Variants in SMARCA2 observed in about 807,000 individuals in gnomAD.
SMARCA2 encodes the protein SWI/SNF-related matrix-associated actin-dependent regulator of chromatin subfamily A member 2.
A neutral mutation model predicts 199.8 loss-of-function variants in SMARCA2; 61 were observed. The ratio of observed to expected loss-of-function variants is 0.31; its 90% CI spans 0.25 to 0.38. The LOEUF (loss-of-function observed/expected upper bound fraction) is 0.38. Among genes scored for constraint, SMARCA2 ranks in the 10% least tolerant of loss-of-function variants. The pLI is 1.00. For missense variants in SMARCA2, 1,344 were observed against 2,012.2 expected (o/e 0.67, Z 6.35); for synonymous variants, 935 against 732.0 (o/e 1.28, Z -4.48).
chr9:2,154,113 A>G (rs1365455497), intron 27 of SMARCA2, among the ~76,000 whole-genome samples: 4 of 152,236 alleles, frequency 2.6e-5, no homozygotes, highest in African/African-American at 7.2e-5. Context: ...AAGATGCTAT[A>G]TCTCTCTGTG....
intron 22 of SMARCA2, among the ~76,000 whole-genome samples, chr9:2,103,162 C>G (rs1368735526): frequency 1.3e-5 from 2 of 152,090 alleles, no homozygotes; most frequent in African/African-American, 4.8e-5. Flanking sequence ...ACACTCTAAA[C>G]CAGTGGTTGG....
At chr9:2,171,302 C>T (rs1478421589) in intron 29 of SMARCA2, among the ~76,000 whole-genome samples, 1 of 151,986 alleles carries the variant, frequency 6.6e-6, no homozygotes, top group Non-Finnish European at 1.5e-5. Flanking sequence ...TTCAGCTGAC[C>T]CAATAACATC....
chr9:2,097,613 C>G, intron 21 of SMARCA2, 142 bp downstream of exon 21: 1 of 565,856 alleles, frequency 1.8e-6, no homozygotes, highest in Non-Finnish European at 3.1e-6. Flanking sequence ...GATCTGATAG[C>G]TCGACAAGCA....
intron 27 of SMARCA2, among the ~76,000 whole-genome samples, chr9:2,132,359 G>A (rs1276010763): frequency 6.6e-6 from 1 of 152,184 alleles, no homozygotes; most frequent in Non-Finnish European, 1.5e-5. Context: ...ACAGGGGCTT[G>A]AATCACTCAG....
Position 2,033,091 on chromosome 9 carries a change from C to A in SMARCA2, c.355+10C>A, listed in dbSNP as rs376665212. 2 of 1,613,080 alleles carry A rather than the reference C, an allele frequency of 1.2e-6. No homozygotes were observed. The highest frequency in any genetic ancestry group is 4.5e-5 in the East Asian group (2 of 44,864). On this transcript the variant is annotated intron_variant, in intron 3 of 33. Transcript: ENST00000349721. ...GATCAACACAGCCAAGGTTTGTGTC[C>A]GCTGCACACCTGATACTGGTTCCCC...
At chr9:2,182,718 C>G (rs1827138305) in intron 31 of SMARCA2, among the ~76,000 whole-genome samples, 1 of 151,916 alleles carries the variant, frequency 6.6e-6, no homozygotes, top group Non-Finnish European at 1.5e-5. Flanking sequence ...TGGTCTTGAA[C>G]TCCTGACCTC....
intron 2 of SMARCA2, chr9:2,032,454 T>C (rs749492345): frequency 6.5e-6 from 1 of 154,248 alleles, no homozygotes; most frequent in Non-Finnish European, 1.4e-5. Context: ...CACGGCTCTG[T>C]CCTGTCTGTT....
intron 29 of SMARCA2, among the ~76,000 whole-genome samples, chr9:2,176,542 A>G: frequency 6.6e-6 from 1 of 151,852 alleles, no homozygotes; most frequent in Non-Finnish European, 1.5e-5. Context: ...CTTTATGACT[A>G]TTAGGGTGAT....
At chr9:2,185,617 A>C (rs1034660632) in intron 31 of SMARCA2, among the ~76,000 whole-genome samples, 2 of 152,214 alleles carry the variant, frequency 1.3e-5, no homozygotes, top group African/African-American at 2.4e-5. Context: ...GCACCTACCC[A>C]GGGCCATGCT....
rs1822646127 is a variant in SMARCA2 at position 2,104,010 on chromosome 9, C to T, written c.3133C>T (p.Leu1045=). The change falls in exon 23 of 34, where the codon CTG becomes TTG. Residue 1045 remains leucine (L), a synonymous_variant. Transcript: ENST00000349721. The surrounding 1 kb of genome is among the most constrained non-coding windows in gnomAD (Gnocchi z 4.0). ...GCATTTTTTTGGGTTCAGGGCTGAA[C>T]TGTATCGGGCCTCAGGGAAGTTTGA... The part of the protein sequence containing the change: ...YSNGVINGAE[L]YRASGKFELL... 1 of 1,613,878 alleles carries T rather than the reference C, an allele frequency of 6.2e-7. No homozygotes were observed. Among genetic ancestry groups the T allele is most frequent in the East Asian group, 2.2e-5 (1 of 44,866 alleles).
At chr9:2,038,247 C>G (rs1586633611) in intron 3 of SMARCA2, among the ~76,000 whole-genome samples, 3 of 152,224 alleles carry the variant, frequency 2.0e-5, no homozygotes, top group Admixed American at 2.0e-4. Context: ...AACTGGTTTA[C>G]TCTCTGAGCC....
chr9:2,076,102 C>T (rs1821313109), intron 12 of SMARCA2, 127 bp from the exon 13 acceptor site: 1 of 632,240 alleles, frequency 1.6e-6, no homozygotes. Context: ...TTTACTTCCT[C>T]CCTGAATTTT....
chr9:2,146,750 C>T (rs1285406788), intron 27 of SMARCA2, among the ~76,000 whole-genome samples: 1 of 152,122 alleles, frequency 6.6e-6, no homozygotes, highest in Non-Finnish European at 1.5e-5. Flanking sequence ...CCTTTTTAGA[C>T]CACATAGGGT....
intron 28 of SMARCA2, among the ~76,000 whole-genome samples, chr9:2,166,612 A>C (rs750157108): frequency 3.3e-5 from 5 of 152,190 alleles, no homozygotes; most frequent in Non-Finnish European, 7.3e-5. Context: ...TTATCTATGC[A>C]AAAATTATGT....
chr9:2,140,734 G>C (rs567989846), intron 27 of SMARCA2, among the ~76,000 whole-genome samples: 102 of 152,268 alleles, frequency 6.7e-4, no homozygotes, highest in African/African-American at 2.4e-3. Flanking sequence ...AGTTATTTTG[G>C]TGCCATTACA....
chr9:2,070,536 C>T, intron 10 of SMARCA2, 65 bp downstream of exon 10: 1 of 1,196,488 alleles, frequency 8.4e-7, no homozygotes, highest in South Asian at 1.2e-5. Context: ...CCTGGCAGCA[C>T]CATTCTTCAT....
intron 10 of SMARCA2, among the ~76,000 whole-genome samples, chr9:2,072,335 TCAGGAG>T (rs909262906): frequency 3.5e-4 from 53 of 152,344 alleles, no homozygotes; most frequent in African/African-American, 1.1e-3. Flanking sequence ...CACCCTGCAA[TCAGGAG>T]CAGTCATTCG....
chr9:2,054,894 A>C (rs1300099610), intron 6 of SMARCA2, among the ~76,000 whole-genome samples, 171 bp downstream of exon 6: 2 of 152,262 alleles, frequency 1.3e-5, no homozygotes, highest in Non-Finnish European at 2.9e-5. Context: ...AAAATGATGA[A>C]GATGAACTGC....
In SMARCA2 at chr9:2,191,536, G is replaced by C. The variant is rs184022182; in HGVS notation, c.4737+128G>C. 2.2e-4 allele frequency: 224 copies of C among 1,015,450 alleles called. 2 individuals carry two copies. In the East Asian group the frequency reaches 4.8e-3, roughly 22 times the overall value. 62.9% of individuals were successfully genotyped at this position (1,015,450 alleles called of 1,614,324 possible). Reference sequence around the variant, plus strand: ...GACTGGAAATGTCAGGATTTAGTGAGATTTCATTATTGAGGGATGTGAACG... The same window carrying C: ...GACTGGAAATGTCAGGATTTAGTGACATTTCATTATTGAGGGATGTGAACG... On this transcript the variant is annotated intron_variant, in intron 33 of 33. Coordinates refer to ENST00000349721, the MANE Select transcript of SMARCA2 (RefSeq NM_003070.5).
Sources: allele counts gnomAD v4.1 joint callset (sites outside exome capture counted in the v4.1 genomes callset), GRCh38; gene constraint gnomAD v4.1.1; non-coding constraint Gnocchi (gnomAD v3.1); transcripts MANE v1.5; gene names NCBI Gene and HGNC (gene_info 2026-07-23, HGNC 2026-07-21).